The following AFMID variants were observed in gnomAD, a reference collection of about 807,000 sequenced individuals.
AFMID encodes kynurenine formamidase.
AFMID carries 39 observed loss-of-function variants against 47.5 expected under a neutral mutation model. The observed-to-expected ratio is 0.82, with a 90% confidence interval of 0.64 to 1.07. The LOEUF (loss-of-function observed/expected upper bound fraction) is 1.07. Among genes scored for constraint, AFMID ranks in the 50% least tolerant of loss-of-function variants. The probability of loss-of-function intolerance (pLI) is 0.00; values close to 1 mark genes in which losing one functional copy is unlikely to be tolerated. For missense variants in AFMID, 375 were observed against 387.5 expected, an observed-to-expected ratio of 0.97 and a Z score of 0.27; for synonymous variants, 130 against 153.2, an observed-to-expected ratio of 0.85 and a Z score of 1.12.
At chr17:78,197,489 A>G (rs538034998) in intron 2 of AFMID, 39 of 346,200 alleles carry the variant, frequency 1.1e-4, no homozygotes, top group African/African-American at 8.3e-4. Context: ...TCAGACACCA[A>G]CCCTGCTGGC....
At chr17:78,197,030 T>C (rs1346097423) in intron 2 of AFMID, 1 of 853,822 alleles carries the variant, frequency 1.2e-6, no homozygotes, top group East Asian at 2.7e-5. Context: ...GAGAGAGGCT[T>C]ATGCATGATA....
intron 2 of AFMID, among the ~76,000 whole-genome samples, chr17:78,200,339 GA>G (rs2076215584): frequency 6.6e-6 from 1 of 152,134 alleles, no homozygotes. Context: ...ATTTTTAGTA[GA>G]GACAGGGTTT....
intron 7 of AFMID, 98 bp from the exon 8 acceptor site, chr17:78,205,342 C>T: frequency 6.8e-7 from 1 of 1,469,718 alleles, no homozygotes. Flanking sequence ...CTCCTCTGTG[C>T]CCCTTCCCCT....
intron 1 of AFMID, 85 bp downstream of exon 1, chr17:78,187,518 A>T: frequency 6.7e-7 from 1 of 1,498,794 alleles, no homozygotes; most frequent in Non-Finnish European, 9.3e-7. Context: ...GAAGCTTAGA[A>T]GCCGTCTAGA....
intron 4 of AFMID, 102 bp downstream of exon 4, chr17:78,202,853 A>G: frequency 7.2e-7 from 1 of 1,387,400 alleles, no homozygotes; most frequent in South Asian, 1.2e-5. Flanking sequence ...CAAGCTGGGC[A>G]CTCCTTGCAG....
At chr17:78,190,771 C>G (rs2075944344) in intron 1 of AFMID, 199 bp from the exon 2 acceptor site, 1 of 548,586 alleles carries the variant, frequency 1.8e-6, no homozygotes, top group African/African-American at 1.9e-5. Flanking sequence ...CTCATCTCCC[C>G]TTAAGGCTGC....
At chr17:78,189,558 T>G (rs1254332623) in intron 1 of AFMID, among the ~76,000 whole-genome samples, 1 of 148,498 alleles carries the variant, frequency 6.7e-6, no homozygotes, top group Non-Finnish European at 1.5e-5. Context: ...GGTTTTGCTC[T>G]CTCAGGCTGG....
In AFMID at chr17:78,200,514, G is replaced by T. The variant is rs78444279; in HGVS notation, c.155-1985G>T. ...CTAAAGTCAAGTCATTCTGGGTTAG[G>T]GTGGGCCCTAAATGCCATTGACTGC... is the stretch of plus-strand genomic sequence containing the variant. On this transcript the variant is annotated intron_variant, in intron 2 of 10. Coordinates refer to ENST00000409257, the MANE Select transcript of AFMID (RefSeq NM_001010982.5). 0.011 allele frequency among the ~76,000 whole-genome samples: 1,715 copies of T among 152,242 alleles called. 59 individuals are homozygous for T. The East Asian group carries it at 0.12, about 11-fold the overall frequency.
At chr17:78,188,821 A>T (rs2075879236) in intron 1 of AFMID, among the ~76,000 whole-genome samples, 4 of 151,498 alleles carry the variant, frequency 2.6e-5, no homozygotes, top group East Asian at 3.9e-4. Context: ...ATGGTCTCCA[A>T]CTCCTGACCT....
chr17:78,202,395 C>T, intron 2 of AFMID, 104 bp from the exon 3 acceptor site: 1 of 1,168,122 alleles, frequency 8.6e-7, no homozygotes, highest in South Asian at 1.3e-5. Context: ...CGCCACTGCA[C>T]TCCAGCTTGG....
At chr17:78,191,548 C>G (rs568871809) in intron 2 of AFMID, among the ~76,000 whole-genome samples, 1 of 152,178 alleles carries the variant, frequency 6.6e-6, no homozygotes, top group South Asian at 2.1e-4. Flanking sequence ...AGCTGGACAC[C>G]TGTAATTCCA....
chr17:78,200,289 G>T (rs552535657), intron 2 of AFMID, among the ~76,000 whole-genome samples: 4 of 152,158 alleles, frequency 2.6e-5, no homozygotes, highest in Non-Finnish European at 4.4e-5. Flanking sequence ...CAAGTAGCTG[G>T]GATTACAGGC....
At position 78,201,411 on chromosome 17, in the gene AFMID, G is replaced by A. The variant is rs184082594; in HGVS notation, c.155-1088G>A. ...CGAGGTGGATGGATCATCTGAGGTT[G>A]AGCTCGAGACCAGCCTCGCCAATAC... On this transcript the variant is annotated intron_variant, in intron 2 of 10. Transcript: ENST00000409257. Among the ~76,000 whole-genome samples, 18 of 152,022 alleles carry A rather than the reference G, an allele frequency of 1.2e-4. No homozygotes were observed. In the East Asian group the frequency reaches 3.1e-3, roughly 26 times the overall value.
chr17:78,201,479 T>C (rs2076241002), intron 2 of AFMID, among the ~76,000 whole-genome samples: 1 of 151,634 alleles, frequency 6.6e-6, no homozygotes, highest in South Asian at 2.1e-4. Context: ...ATTAGCCAGG[T>C]GTGGTGGCAC....
At chr17:78,206,338 CAAAAAAAAA>C (rs60780262) in intron 10 of AFMID, among the ~76,000 whole-genome samples, 1 of 104,028 alleles carries the variant, frequency 9.6e-6, no homozygotes, top group Non-Finnish European at 2.0e-5. Flanking sequence ...GACTCTGTCT[CAAAAAAAAA>C]AAAAAAAAAA....
At chr17:78,188,149 G>A (rs1469675389) in intron 1 of AFMID, among the ~76,000 whole-genome samples, 7 of 151,226 alleles carry the variant, frequency 4.6e-5, no homozygotes, top group Non-Finnish European at 7.4e-5. Context: ...GGCCGGGTGC[G>A]GTGGCTCAAA....
At chr17:78,194,790 G>C (rs2076067020) in intron 2 of AFMID, among the ~76,000 whole-genome samples, 1 of 152,078 alleles carries the variant, frequency 6.6e-6, no homozygotes, top group Admixed American at 6.5e-5. Flanking sequence ...CGCCTCCCAG[G>C]TTCAAGCGAT....
At chr17:78,192,651 G>A (rs1265032843) in intron 2 of AFMID, 1 of 471,032 alleles carries the variant, frequency 2.1e-6, no homozygotes, top group South Asian at 1.5e-5. Flanking sequence ...CTGGACTTGG[G>A]AACCTGTAAA....
chr17:78,204,838 C>T lies in AFMID; in HGVS notation c.405C>T (p.Asp135=). Residue 135 remains aspartate (D), a synonymous_variant, in exon 6 of 11, where the codon GAC becomes GAT. Coordinates refer to ENST00000409257, the MANE Select transcript of AFMID (RefSeq NM_001010982.5). ...AYGIAPKGTL[D]HMVDQVTRSV... ...ATGCTCTCTGTGCAGGCACCCTGGACCACATGGTAGACCAGGTGACCCGCA... is the reference window on the plus strand; with the variant it reads ...ATGCTCTCTGTGCAGGCACCCTGGATCACATGGTAGACCAGGTGACCCGCA... 2.5e-6 allele frequency: 4 copies of T among 1,614,220 alleles called. No homozygotes were observed. The highest frequency in any genetic ancestry group is 3.4e-6 in the Non-Finnish European group (4 of 1,180,032).
Sources: gnomAD v4.1 joint callset for allele counts (sites outside exome capture counted in the v4.1 genomes callset) on GRCh38, gnomAD v4.1.1 for gene constraint, MANE v1.5 for transcripts, NCBI Gene and HGNC (gene_info 2026-07-23, HGNC 2026-07-21) for gene names.